TSNARE1: variants seen among roughly 807,000 people sequenced by gnomAD.
TSNARE1 encodes the protein t-SNARE domain containing 1.
In TSNARE1, 49 loss-of-function variants were observed where a neutral mutation model predicts 62.0. The ratio of observed to expected loss-of-function variants is 0.79; its 90% CI spans 0.63 to 1.00. The LOEUF (loss-of-function observed/expected upper bound fraction) is 1.00. Among genes scored for constraint, TSNARE1 ranks in the 50% least tolerant of loss-of-function variants. The pLI, the probability that TSNARE1 is intolerant of heterozygous loss-of-function variation, is 0.00. For missense variants in TSNARE1, 755 were observed against 700.1 expected (o/e 1.08, Z -0.88); for synonymous variants, 328 against 294.4 (o/e 1.11, Z -1.17).
chr8:142,392,405 A>T (rs187605237), intron 1 of TSNARE1, among the ~76,000 whole-genome samples: 28 of 152,322 alleles, frequency 1.8e-4, no homozygotes, highest in African/African-American at 6.5e-4. Flanking sequence ...CATAGTGTTC[A>T]TTATCAAGTC....
intron 1 of TSNARE1, among the ~76,000 whole-genome samples, chr8:142,393,790 C>T (rs547680220): frequency 7.2e-4 from 110 of 152,298 alleles, no homozygotes; most frequent in Admixed American, 1.4e-3. Flanking sequence ...CAAAGGTGGC[C>T]GGTTCACAGC....
Position 142,354,698 on chromosome 8 carries a change from T to A in TSNARE1, c.27A>T (p.Gly9=). The A allele has an allele frequency of 6.2e-7, 1 of 1,612,250 alleles. No individual in the cohort carries two copies. The highest frequency in any genetic ancestry group is 8.5e-7 in the Non-Finnish European group (1 of 1,179,384). ...AAGGGCCACGGCTCCCCAGGCCACC[T>A]CCACGGGCGATGGATCCGTATGACA... The part of the protein sequence containing the change: MSYGSIAR[G]GGLGSRGPFG... The change falls in exon 2 of 14, where the codon GGA becomes GGT. Residue 9 remains glycine, a synonymous_variant. Coordinates refer to ENST00000524325, the MANE Select transcript of TSNARE1 (RefSeq NM_145003.5).
intron 9 of TSNARE1, among the ~76,000 whole-genome samples, chr8:142,304,145 C>G (rs1826250477): frequency 6.6e-6 from 1 of 152,262 alleles, no homozygotes; most frequent in Admixed American, 6.5e-5. Flanking sequence ...TCTAAAAAAT[C>G]TGTTGACAAG....
chr8:142,325,476 G>C (rs11998361), intron 6 of TSNARE1, among the ~76,000 whole-genome samples: 2 of 152,352 alleles, frequency 1.3e-5, no homozygotes, highest in East Asian at 1.9e-4. Flanking sequence ...GGCCAAGGCC[G>C]GGCCTGGACC....
chr8:142,344,213 G>A lies in TSNARE1; in HGVS notation c.498C>T (p.Arg166=), dbSNP rs1464707406. The A allele has an allele frequency of 3.1e-6, 5 of 1,613,618 alleles. No individual in the cohort carries two copies. Among genetic ancestry groups the A allele is most frequent in the East Asian group, 2.2e-5 (1 of 44,870 alleles). The change falls in exon 4 of 14, where the codon CGC becomes CGT. Residue 166 remains arginine (R), a synonymous_variant. Coordinates refer to ENST00000524325, the MANE Select transcript of TSNARE1 (RefSeq NM_145003.5). ...CCAGCGCATTCACGGCCTGCAGGAT[G>A]CGGCTCCACACGCGGTACCTGCGAG... ...EPTRRYRVWS[R]ILQAVNALGY...
intron 6 of TSNARE1, among the ~76,000 whole-genome samples, chr8:142,327,707 G>A (rs1830458603): frequency 6.6e-6 from 1 of 152,200 alleles, no homozygotes; most frequent in Admixed American, 6.5e-5. Context: ...CAGGAGGCGG[G>A]GCTGTTAGGA....
At chr8:142,315,252 G>A (rs1292163668) in intron 7 of TSNARE1, among the ~76,000 whole-genome samples, 160 bp from the exon 8 acceptor site, 1 of 152,144 alleles carries the variant, frequency 6.6e-6, no homozygotes, top group African/African-American at 2.4e-5. Flanking sequence ...GTCTCCACAG[G>A]CACACCCAGG....
At chr8:142,362,985 C>T (rs569807781) in intron 1 of TSNARE1, among the ~76,000 whole-genome samples, 2 of 152,262 alleles carry the variant, frequency 1.3e-5, no homozygotes, top group African/African-American at 4.8e-5. Flanking sequence ...CCTGGACGCT[C>T]GGGTCCTGGC....
chr8:142,268,431 C>T (rs763785045), intron 12 of TSNARE1, among the ~76,000 whole-genome samples: 2 of 152,212 alleles, frequency 1.3e-5, no homozygotes, highest in Non-Finnish European at 2.9e-5. Context: ...GATCTTCCTG[C>T]CCCTCGCTGG....
chr8:142,225,990 C>T (rs1282489185), intron 13 of TSNARE1, among the ~76,000 whole-genome samples: 1 of 152,198 alleles, frequency 6.6e-6, no homozygotes, highest in East Asian at 1.9e-4. Flanking sequence ...TCCCTCTCCA[C>T]TTGGCCTTCT....
At chr8:142,392,047 G>A (rs1383016021) in intron 1 of TSNARE1, among the ~76,000 whole-genome samples, 1 of 152,164 alleles carries the variant, frequency 6.6e-6, no homozygotes, top group Non-Finnish European at 1.5e-5. Context: ...TTTTGAGACG[G>A]AGTTTTGCTC....
chr8:142,277,774 G>A (rs1338973276), intron 11 of TSNARE1: 4 of 985,264 alleles, frequency 4.1e-6, no homozygotes, highest in Non-Finnish European at 4.8e-6. Context: ...CACAGAAGTC[G>A]AGGCTGGGTC....
intron 1 of TSNARE1, among the ~76,000 whole-genome samples, chr8:142,357,186 C>A (rs1229610867): frequency 6.6e-6 from 1 of 152,232 alleles, no homozygotes; most frequent in Non-Finnish European, 1.5e-5. Flanking sequence ...AGCATTCACA[C>A]TGATCCCAGC....
intron 13 of TSNARE1, among the ~76,000 whole-genome samples, chr8:142,218,769 C>G (rs996523862): frequency 6.6e-6 from 1 of 152,228 alleles, no homozygotes; most frequent in Non-Finnish European, 1.5e-5. Flanking sequence ...CCTTGAGGCC[C>G]TTCTCTGCTT....
intron 12 of TSNARE1, chr8:142,270,168 G>A (rs1432860817): frequency 1.0e-6 from 1 of 985,326 alleles, no homozygotes; most frequent in East Asian, 1.1e-4. Flanking sequence ...AGGCTGGGGG[G>A]CTGCAGACTG....
intron 9 of TSNARE1, among the ~76,000 whole-genome samples, chr8:142,306,743 T>A (rs989656921): frequency 2.0e-5 from 3 of 152,258 alleles, no homozygotes; most frequent in African/African-American, 7.2e-5. Flanking sequence ...ATTTATAGTT[T>A]GCAAATTCCT....
At chr8:142,274,951 G>A (rs1293591066) in intron 11 of TSNARE1, 88 bp from the exon 12 acceptor site, 1 of 1,404,030 alleles carries the variant, frequency 7.1e-7, no homozygotes, top group African/African-American at 1.5e-5. Flanking sequence ...AGCCCAGGGA[G>A]CCTGAGCCCA....
At chr8:142,395,481 C>T (rs961093075) in intron 1 of TSNARE1, among the ~76,000 whole-genome samples, 1 of 152,160 alleles carries the variant, frequency 6.6e-6, no homozygotes, top group African/African-American at 2.4e-5. Flanking sequence ...GCGGAGTCAG[C>T]GCAGCAGGTT....
intron 1 of TSNARE1, among the ~76,000 whole-genome samples, chr8:142,394,823 T>C (rs1837787186): frequency 6.6e-6 from 1 of 152,136 alleles, no homozygotes. Context: ...CCTGTCCACG[T>C]CCCTGTGTGC....
Sources: allele counts gnomAD v4.1 joint callset (sites outside exome capture counted in the v4.1 genomes callset), GRCh38; gene constraint gnomAD v4.1.1; transcripts MANE v1.5; gene names NCBI Gene and HGNC (gene_info 2026-07-23, HGNC 2026-07-21).